Variants in KCNIP4 observed in about 807,000 individuals in gnomAD.
KCNIP4 encodes Kv channel-interacting protein 4.
Under a neutral mutation model 34.0 loss-of-function variants are expected in KCNIP4, and 12 were observed. The observed-to-expected ratio is 0.35, with a 90% CI of 0.23 to 0.57. KCNIP4 has a LOEUF of 0.57. Ranked by LOEUF, KCNIP4 falls within the 20% of genes least tolerant of loss-of-function variation. KCNIP4 has a pLI of 0.83. For synonymous variants in KCNIP4, 124 were observed against 102.2 expected, an observed-to-expected ratio of 1.21 and a Z score of -1.29; for missense variants, 238 against 311.7, an observed-to-expected ratio of 0.76 and a Z score of 1.78.
intron 1 of KCNIP4, among the ~76,000 whole-genome samples, chr4:20,931,166 G>A (rs1730425975): frequency 6.9e-6 from 1 of 144,086 alleles, no homozygotes; most frequent in Non-Finnish European, 1.5e-5. Flanking sequence ...AATGTATAAA[G>A]ACAATGTGGT....
At chr4:20,994,077 T>C (rs920871911) in intron 1 of KCNIP4, among the ~76,000 whole-genome samples, 1 of 152,210 alleles carries the variant, frequency 6.6e-6, no homozygotes, top group Non-Finnish European at 1.5e-5. Context: ...TAATCCACCA[T>C]ACAATTCTTA....
chr4:21,398,137 G>A (rs1480508705), intron 1 of KCNIP4, among the ~76,000 whole-genome samples: 2 of 152,176 alleles, frequency 1.3e-5, no homozygotes, highest in East Asian at 3.9e-4. Context: ...TTAAGTCTGG[G>A]TAAGTCTATT....
At position 21,757,150 on chromosome 4, in the gene KCNIP4, AGAAAGAAAGAAAGAAAGAAG is replaced by A. The variant is rs1560691027; in HGVS notation, c.61+191401_61+191420del. 1.9e-4 allele frequency among the ~76,000 whole-genome samples: 5 copies of A among 26,344 alleles called. No individual in the cohort carries two copies. The East Asian group carries it at 5.1e-3, about 27-fold the overall frequency. The allele number at this position is 26,344 out of a possible 152,430, so 17.3% of individuals were successfully genotyped here. A position where few individuals can be genotyped will look rare whatever the true frequency, so the allele number is the denominator to read the frequency against. On this transcript the variant is annotated intron_variant, in intron 1 of 8. Coordinates refer to ENST00000382152, the MANE Select transcript of KCNIP4 (RefSeq NM_025221.6). ...AAGAAAGAAAGAAAGAAAGAAAGAA[AGAAAGAAAGAAAGAAAGAAG>A]GAAGGAAGGAAGGAAGGAAGGAAGG...
At chr4:21,941,065 A>T (rs557505569) in intron 1 of KCNIP4, among the ~76,000 whole-genome samples, 1 of 152,172 alleles carries the variant, frequency 6.6e-6, no homozygotes, top group Non-Finnish European at 1.5e-5. Flanking sequence ...ATCATAATGA[A>T]TATTCATTAA....
chr4:21,589,180 A>ACG (rs1296026681), intron 1 of KCNIP4, among the ~76,000 whole-genome samples: 8,254 of 70,886 alleles, frequency 0.12, 686 homozygotes, highest in African/African-American at 0.24. Context: ...ATATATATAT[A>ACG]TATATATATA....
intron 1 of KCNIP4, among the ~76,000 whole-genome samples, chr4:21,264,111 G>T (rs1761648354): frequency 1.2e-5 from 1 of 85,630 alleles, no homozygotes; most frequent in African/African-American, 4.5e-5. Context: ...TGCAGCCTCT[G>T]TCCTATGTGA....
chr4:21,153,592 C>A (rs939753848), intron 1 of KCNIP4, among the ~76,000 whole-genome samples: 1 of 150,208 alleles, frequency 6.7e-6, no homozygotes, highest in Non-Finnish European at 1.5e-5. Flanking sequence ...TTTCTTATAG[C>A]TCTCTATATA....
At chr4:21,149,009 C>T (rs945210623) in intron 1 of KCNIP4, among the ~76,000 whole-genome samples, 7 of 152,016 alleles carry the variant, frequency 4.6e-5, no homozygotes, top group Non-Finnish European at 1.0e-4. Flanking sequence ...TTATTTGAAC[C>T]AAAATATTTT....
At chr4:21,530,874 T>C (rs903566112) in intron 1 of KCNIP4, among the ~76,000 whole-genome samples, 2 of 152,156 alleles carry the variant, frequency 1.3e-5, no homozygotes, top group Admixed American at 1.3e-4. Flanking sequence ...GCAGGACAGA[T>C]CACCAGAGCA....
intron 1 of KCNIP4, among the ~76,000 whole-genome samples, chr4:21,033,355 C>A (rs1437153012): frequency 6.6e-6 from 1 of 152,084 alleles, no homozygotes; most frequent in Non-Finnish European, 1.5e-5. Flanking sequence ...CAAGGAATAG[C>A]CATCAGGTTT....
intron 2 of KCNIP4, among the ~76,000 whole-genome samples, chr4:20,867,431 T>C (rs1722987624): frequency 6.6e-6 from 1 of 151,970 alleles, no homozygotes; most frequent in Non-Finnish European, 1.5e-5. Context: ...AGGAAAGGAC[T>C]CCCTATTCAA....
chr4:21,086,605 C>T (rs1380212015), intron 1 of KCNIP4, among the ~76,000 whole-genome samples: 1 of 152,126 alleles, frequency 6.6e-6, no homozygotes, highest in Non-Finnish European at 1.5e-5. Flanking sequence ...ACATACTTTA[C>T]ATATAACATG....
intron 1 of KCNIP4, among the ~76,000 whole-genome samples, chr4:21,174,888 C>T (rs1281860526): frequency 3.6e-5 from 5 of 139,444 alleles, no homozygotes; most frequent in Non-Finnish European, 7.6e-5. Flanking sequence ...GGTGACAGAG[C>T]GAGACACTGT....
intron 1 of KCNIP4, among the ~76,000 whole-genome samples, chr4:21,871,528 A>G (rs929736367): frequency 4.0e-5 from 6 of 151,844 alleles, no homozygotes; most frequent in African/African-American, 7.3e-5. Context: ...CATTCTGAGC[A>G]AACTATCGCA....
chr4:21,360,614 A>G (rs1372963235), intron 1 of KCNIP4, among the ~76,000 whole-genome samples: 1 of 152,102 alleles, frequency 6.6e-6, no homozygotes, highest in African/African-American at 2.4e-5. Flanking sequence ...TAAACTAACA[A>G]TGAACCTTCT....
At chr4:21,530,917 G>A (rs1200489280) in intron 1 of KCNIP4, among the ~76,000 whole-genome samples, 1 of 152,142 alleles carries the variant, frequency 6.6e-6, no homozygotes, top group Non-Finnish European at 1.5e-5. Flanking sequence ...TCACAGCTAA[G>A]ACACTGAACT....
intron 1 of KCNIP4, among the ~76,000 whole-genome samples, chr4:21,065,726 C>CATTATA (rs1347877012): frequency 8.1e-5 from 7 of 86,352 alleles, no homozygotes; most frequent in African/African-American, 2.6e-4. Flanking sequence ...TATCATTTGT[C>CATTATA]TATATATATA....
intron 1 of KCNIP4, among the ~76,000 whole-genome samples, chr4:21,600,813 G>A (rs1577672030): frequency 6.6e-6 from 1 of 152,026 alleles, no homozygotes; most frequent in Non-Finnish European, 1.5e-5. Flanking sequence ...ATGAATACTT[G>A]TGTATGAGCT....
At chr4:21,670,082 T>C (rs1749353401) in intron 1 of KCNIP4, among the ~76,000 whole-genome samples, 2 of 152,162 alleles carry the variant, frequency 1.3e-5, no homozygotes, top group African/African-American at 2.4e-5. Flanking sequence ...AAAATACTCA[T>C]AAATGATAGA....
Sources: gnomAD v4.1 joint callset for allele counts (sites outside exome capture counted in the v4.1 genomes callset) on GRCh38, gnomAD v4.1.1 for gene constraint, MANE v1.5 for transcripts, NCBI Gene and HGNC (gene_info 2026-07-23, HGNC 2026-07-21) for gene names.